PDE8A: variants seen among roughly 807,000 people sequenced by gnomAD.
PDE8A encodes the protein phosphodiesterase 8A.
In PDE8A, 59 loss-of-function variants were observed where a neutral mutation model predicts 105.0. The ratio of observed to expected loss-of-function variants is 0.56; its 90% CI spans 0.46 to 0.70. The LOEUF is 0.70. Ranked by LOEUF, PDE8A falls within the 30% of genes least tolerant of loss-of-function variation. The pLI, the probability that PDE8A is intolerant of heterozygous loss-of-function variation, is 0.00. For synonymous variants in PDE8A, 355 were observed against 371.9 expected, an observed-to-expected ratio of 0.95 and a Z score of 0.52; for missense variants, 1,014 against 1,045.9, an observed-to-expected ratio of 0.97 and a Z score of 0.42.
At chr15:85,023,399 G>T (rs182391125) in intron 1 of PDE8A, among the ~76,000 whole-genome samples, 1 of 152,154 alleles carries the variant, frequency 6.6e-6, no homozygotes, top group Admixed American at 6.5e-5. Flanking sequence ...GTTGGTTGGG[G>T]ATGGGGCTTT....
chr15:85,096,414 G>A (rs2081754525), intron 8 of PDE8A, among the ~76,000 whole-genome samples: 1 of 152,212 alleles, frequency 6.6e-6, no homozygotes, highest in South Asian at 2.1e-4. Flanking sequence ...AGCCATGGTT[G>A]TGCCACTGCA....
chr15:85,090,807 C>G (rs1567277752), intron 7 of PDE8A: 1 of 573,632 alleles, frequency 1.7e-6, no homozygotes. Flanking sequence ...CCTCCTGGAG[C>G]CTCAGGAGAA....
intron 1 of PDE8A, among the ~76,000 whole-genome samples, chr15:85,032,000 G>T (rs772658534): frequency 1.3e-5 from 2 of 152,176 alleles, no homozygotes; most frequent in Non-Finnish European, 2.9e-5. Context: ...GCTTTGTCAT[G>T]TAGAGGTTCG....
rs377668809 is a variant in PDE8A, at chr15:85,061,283, G to A, written c.187-3087G>A. Among the ~76,000 whole-genome samples, 7 of 151,774 alleles carry A rather than the reference G, an allele frequency of 4.6e-5. No individual in the cohort carries two copies. In the East Asian group the frequency reaches 9.6e-4, roughly 21 times the overall value. ...GCATCTTGCTCTGTTGTCCAGGCTG[G>A]AGTGCAATGGTGCAGTCTCGGCTCA... On this transcript the variant is annotated intron_variant, in intron 1 of 21. Transcript: ENST00000394553.
At chr15:85,043,701 TTTGTTTG>T (rs2080845858) in intron 1 of PDE8A, among the ~76,000 whole-genome samples, 3 of 151,322 alleles carry the variant, frequency 2.0e-5, no homozygotes, top group Non-Finnish European at 4.4e-5. Context: ...TGTTTGTTTG[TTTGTTTG>T]TTTTTTTGAG....
chr15:85,110,175 A>G (rs1485808465), intron 12 of PDE8A, among the ~76,000 whole-genome samples: 3 of 152,198 alleles, frequency 2.0e-5, no homozygotes, highest in Non-Finnish European at 4.4e-5. Context: ...TCGTGATTAC[A>G]GTCCCAGACC....
chr15:85,010,474 G>A (rs2080221536), intron 1 of PDE8A, among the ~76,000 whole-genome samples: 1 of 152,156 alleles, frequency 6.6e-6, no homozygotes, highest in South Asian at 2.1e-4. Flanking sequence ...ACACACAGAA[G>A]GGAGTGTGTA....
intron 12 of PDE8A, among the ~76,000 whole-genome samples, chr15:85,112,303 G>A (rs1031636787): frequency 6.6e-6 from 1 of 152,026 alleles, no homozygotes; most frequent in African/African-American, 2.4e-5. Context: ...TTTTTGTGGT[G>A]AGAACACTTA....
chr15:84,993,284 A>G lies in PDE8A; in HGVS notation c.186+10936A>G, dbSNP rs1182583541. On this transcript the variant is annotated intron_variant, in intron 1 of 21. Coordinates refer to ENST00000394553, the MANE Select transcript of PDE8A (RefSeq NM_002605.3). ...CGGTGAAACCCCGTCTCTTCTAAAA[A>G]TACAAAAAATTAGCCGGGTGTGGTG... 1.7e-4 allele frequency among the ~76,000 whole-genome samples: 26 copies of G among 151,972 alleles called. 1 individual carries two copies. The highest frequency in any genetic ancestry group is 1.7e-3 in the Admixed American group (26 of 15,258).
In PDE8A at chr15:85,024,152, T is replaced by C. The variant is rs545259354; in HGVS notation, c.187-40218T>C. Among the ~76,000 whole-genome samples, 10 of 152,276 alleles carry C rather than the reference T, an allele frequency of 6.6e-5. No individual in the cohort carries two copies. In the East Asian group the frequency reaches 1.9e-3, roughly 29 times the overall value. ...GAGATCACCTCTTCCGGGAAATCTT[T>C]CTTGAACCCTCTGATCCGTCTATCT... On this transcript the variant is annotated intron_variant, in intron 1 of 21. Transcript: ENST00000394553.
chr15:85,023,723 G>A (rs1227968815), intron 1 of PDE8A, among the ~76,000 whole-genome samples: 3 of 152,162 alleles, frequency 2.0e-5, no homozygotes, highest in Admixed American at 6.5e-5. Flanking sequence ...AGATCACTGG[G>A]TTGTGAGAAA....
intron 19 of PDE8A, among the ~76,000 whole-genome samples, chr15:85,124,886 G>A (rs909191911): frequency 6.6e-5 from 10 of 152,308 alleles, no homozygotes; most frequent in African/African-American, 2.4e-4. Context: ...CTAGAGCTGA[G>A]TTCTCTGCTC....
At chr15:85,071,412 C>G (rs981294299) in intron 3 of PDE8A, among the ~76,000 whole-genome samples, 1 of 152,198 alleles carries the variant, frequency 6.6e-6, no homozygotes, top group African/African-American at 2.4e-5. Flanking sequence ...ACTCAGAAAC[C>G]CAAGGTAAGG....
intron 1 of PDE8A, among the ~76,000 whole-genome samples, chr15:85,043,611 G>A (rs2080843465): frequency 6.6e-6 from 1 of 152,142 alleles, no homozygotes; most frequent in Non-Finnish European, 1.5e-5. Flanking sequence ...TATTTAATAC[G>A]TTAATACGAT....
chr15:85,020,343 C>T (rs897269481), intron 1 of PDE8A, among the ~76,000 whole-genome samples: 1 of 152,180 alleles, frequency 6.6e-6, no homozygotes, highest in Non-Finnish European at 1.5e-5. Flanking sequence ...GTGGCTCATG[C>T]CTGTAATCCC....
At chr15:85,098,465 A>G (rs1245633704) in intron 9 of PDE8A, among the ~76,000 whole-genome samples, 2 of 152,208 alleles carry the variant, frequency 1.3e-5, no homozygotes. Flanking sequence ...CCTATATAAA[A>G]CAGATGTGAC....
intron 18 of PDE8A, among the ~76,000 whole-genome samples, chr15:85,121,521 T>C (rs2082182020): frequency 1.3e-5 from 2 of 152,292 alleles, no homozygotes; most frequent in East Asian, 1.9e-4. Context: ...ATTTGCGTAA[T>C]GTCTGATTAG....
intron 4 of PDE8A, 100 bp downstream of exon 4, chr15:85,076,018 C>T: frequency 3.2e-6 from 2 of 620,276 alleles, no homozygotes; most frequent in South Asian, 2.4e-5. Context: ...TCAGGCATGC[C>T]CCTTTGTAGT....
intron 17 of PDE8A, among the ~76,000 whole-genome samples, chr15:85,119,818 A>T (rs2082153610): frequency 6.6e-6 from 1 of 152,188 alleles, no homozygotes; most frequent in South Asian, 2.1e-4. Flanking sequence ...TTAGAAAATA[A>T]CAAAAATGAG....
Sources: gnomAD v4.1 joint callset for allele counts (sites outside exome capture counted in the v4.1 genomes callset) on GRCh38, gnomAD v4.1.1 for gene constraint, MANE v1.5 for transcripts, NCBI Gene and HGNC (gene_info 2026-07-23, HGNC 2026-07-21) for gene names.